The following SEL1L2 variants were observed in gnomAD, a reference collection of about 807,000 sequenced individuals.
SEL1L2 encodes SEL1L2 adaptor subunit of SYVN1 ubiquitin ligase.
SEL1L2 carries 89 observed loss-of-function variants against 98.8 expected under a neutral mutation model. The observed-to-expected ratio is 0.90, with a 90% CI of 0.76 to 1.07. SEL1L2 has a LOEUF of 1.07. Among genes scored for constraint, SEL1L2 ranks in the 50% least tolerant of loss-of-function variants. SEL1L2 has a pLI of 0.00. For missense variants in SEL1L2, 788 were observed against 812.0 expected (o/e 0.97, Z 0.36); for synonymous variants, 262 against 278.5 (o/e 0.94, Z 0.59).
chr20:13,883,439 G>A (rs77260017), intron 10 of SEL1L2, among the ~76,000 whole-genome samples: 2,103 of 152,300 alleles, frequency 0.014, 48 homozygotes, highest in African/African-American at 0.047. Flanking sequence ...CTCAGGTTTT[G>A]ATTTCTGAAG....
chr20:13,971,181 A>G (rs974448354), intron 1 of SEL1L2, among the ~76,000 whole-genome samples: 7 of 152,014 alleles, frequency 4.6e-5, no homozygotes, highest in African/African-American at 1.7e-4. Context: ...GTTATTTGAT[A>G]TGGTGTGTAT....
intron 5 of SEL1L2, among the ~76,000 whole-genome samples, chr20:13,907,700 C>CTCTTTCTTTCTTTCTTTCTTTCTT (rs10665105): frequency 4.8e-5 from 6 of 125,656 alleles, no homozygotes; most frequent in Non-Finnish European, 9.8e-5. Flanking sequence ...TTCTTTCTTT[C>CTCTTTCTTTCTTTCTTTCTTTCTT]TCTTTCTTTC....
chr20:13,878,871 A>G (rs2046560415), intron 10 of SEL1L2, among the ~76,000 whole-genome samples: 1 of 152,234 alleles, frequency 6.6e-6, no homozygotes, highest in Non-Finnish European at 1.5e-5. Flanking sequence ...ATATATAAAC[A>G]GCAGTGAGAT....
chr20:13,989,196 C>CT (rs1196921537), intron 1 of SEL1L2, among the ~76,000 whole-genome samples: 1 of 152,094 alleles, frequency 6.6e-6, no homozygotes, highest in Non-Finnish European at 1.5e-5. Context: ...GAGTTTCACA[C>CT]TTTTTTTGTA....
chr20:13,938,719 T>C (rs1353439034), intron 2 of SEL1L2, among the ~76,000 whole-genome samples: 1 of 152,188 alleles, frequency 6.6e-6, no homozygotes, highest in African/African-American at 2.4e-5. Context: ...TTTACCCCTC[T>C]ATAAAATAGG....
intron 5 of SEL1L2, among the ~76,000 whole-genome samples, chr20:13,897,397 T>C (rs1171053290): frequency 1.3e-5 from 2 of 151,962 alleles, no homozygotes; most frequent in East Asian, 3.9e-4. Flanking sequence ...AAAGCAAAAA[T>C]GGACAAGTGG....
chr20:13,924,167 A>T (rs1382091395), intron 3 of SEL1L2, among the ~76,000 whole-genome samples: 1 of 152,122 alleles, frequency 6.6e-6, no homozygotes, highest in Non-Finnish European at 1.5e-5. Flanking sequence ...CTATTCAGTT[A>T]ACCTCAGTTT....
intron 2 of SEL1L2, among the ~76,000 whole-genome samples, chr20:13,932,463 A>C (rs1284697729): frequency 6.7e-6 from 1 of 150,026 alleles, no homozygotes; most frequent in Non-Finnish European, 1.5e-5. Flanking sequence ...GACGAGTTTC[A>C]CTCTGTCACC....
intron 1 of SEL1L2, among the ~76,000 whole-genome samples, chr20:13,965,217 G>A (rs1337591421): frequency 6.6e-6 from 1 of 152,172 alleles, no homozygotes. Flanking sequence ...AAAAACACAG[G>A]TAACAGGAGA....
At chr20:13,922,423 G>T (rs901911993) in intron 3 of SEL1L2, among the ~76,000 whole-genome samples, 2 of 152,070 alleles carry the variant, frequency 1.3e-5, no homozygotes, top group Admixed American at 1.3e-4. Context: ...GTTATTTTTA[G>T]TAATGGATCG....
intron 1 of SEL1L2, among the ~76,000 whole-genome samples, chr20:13,981,054 C>T (rs1320170538): frequency 1.3e-5 from 2 of 152,114 alleles, no homozygotes; most frequent in Non-Finnish European, 2.9e-5. Flanking sequence ...AGCAGCCTTG[C>T]CAACATGGTG....
At chr20:13,856,320 A>C (rs973240651) in intron 18 of SEL1L2, among the ~76,000 whole-genome samples, 17 of 151,982 alleles carry the variant, frequency 1.1e-4, no homozygotes, top group African/African-American at 3.9e-4. Context: ...AGTAGAGACA[A>C]GATTTTGCCA....
chr20:13,990,017 A>C (rs944830698), intron 1 of SEL1L2, among the ~76,000 whole-genome samples: 34 of 152,336 alleles, frequency 2.2e-4, no homozygotes, highest in African/African-American at 7.9e-4. Context: ...TCAGATAGTA[A>C]CTATTTAGGA....
intron 5 of SEL1L2, among the ~76,000 whole-genome samples, chr20:13,912,238 C>T (rs2048233519): frequency 6.6e-6 from 1 of 151,886 alleles, no homozygotes; most frequent in Admixed American, 6.6e-5. Flanking sequence ...GGCTTTGTCG[C>T]CACCAGTGTA....
At chr20:13,931,104 C>A (rs569799214) in intron 3 of SEL1L2, among the ~76,000 whole-genome samples, 2 of 150,128 alleles carry the variant, frequency 1.3e-5, no homozygotes, top group Non-Finnish European at 3.0e-5. Flanking sequence ...AGTACAGTGG[C>A]GCGATCTTGG....
chr20:13,974,593 C>T (rs1297463771), intron 1 of SEL1L2, among the ~76,000 whole-genome samples: 6 of 150,074 alleles, frequency 4.0e-5, no homozygotes, highest in Non-Finnish European at 1.5e-5. Flanking sequence ...ATTCTCGTGC[C>T]TCAGCCTCCC....
At chr20:13,964,121 G>A (rs927444219) in intron 1 of SEL1L2, among the ~76,000 whole-genome samples, 8 of 151,794 alleles carry the variant, frequency 5.3e-5, no homozygotes, top group African/African-American at 9.7e-5. Flanking sequence ...TGATCCACCC[G>A]CCTCGGCCTC....
intron 12 of SEL1L2, among the ~76,000 whole-genome samples, chr20:13,870,940 A>AG (rs2046162024): frequency 6.6e-6 from 1 of 151,560 alleles, no homozygotes; most frequent in Admixed American, 6.6e-5. Flanking sequence ...AAAAAAAAAA[A>AG]AAAAGAAATA....
intron 17 of SEL1L2, among the ~76,000 whole-genome samples, chr20:13,862,040 T>C (rs1990222717): frequency 6.6e-6 from 1 of 152,198 alleles, no homozygotes; most frequent in Non-Finnish European, 1.5e-5. Flanking sequence ...ATTTTCTCTC[T>C]TCCATATGAG....
Sources: allele counts gnomAD v4.1 joint callset (sites outside exome capture counted in the v4.1 genomes callset), GRCh38; gene constraint gnomAD v4.1.1; transcripts MANE v1.5; gene names NCBI Gene and HGNC (gene_info 2026-07-23, HGNC 2026-07-21).